The following KCNB2 variants were observed in gnomAD, a reference collection of about 807,000 sequenced individuals.
KCNB2 encodes the protein delayed rectifier potassium channel protein.
KCNB2 carries 15 observed loss-of-function variants against 61.5 expected under a neutral mutation model. The observed-to-expected ratio is 0.24, with a 90% CI of 0.16 to 0.38. KCNB2 has a LOEUF of 0.38. Ranked by LOEUF, KCNB2 falls within the 10% of genes least tolerant of loss-of-function variation. The pLI is 1.00. For synonymous variants in KCNB2, 457 were observed against 446.0 expected, an observed-to-expected ratio of 1.02 and a Z score of -0.31; for missense variants, 828 against 1,125.2, an observed-to-expected ratio of 0.74 and a Z score of 3.78.
At chr8:72,762,999 A>G (rs553443504) in intron 2 of KCNB2, among the ~76,000 whole-genome samples, 5 of 149,654 alleles carry the variant, frequency 3.3e-5, no homozygotes, top group African/African-American at 1.2e-4. Context: ...AGGCAGAAAA[A>G]TCCTTTCTTT....
chr8:72,826,495 T>TTG (rs1163126201), intron 2 of KCNB2, among the ~76,000 whole-genome samples: 3 of 152,132 alleles, frequency 2.0e-5, no homozygotes, highest in African/African-American at 4.8e-5. Flanking sequence ...ATGACAGGGG[T>TTG]TGTGGACAGC....
chr8:72,548,776 G>A (rs972004411), intron 1 of KCNB2, among the ~76,000 whole-genome samples: 1 of 152,102 alleles, frequency 6.6e-6, no homozygotes, highest in Admixed American at 6.6e-5. Flanking sequence ...ACTAGCTACA[G>A]TGAAAGTTCT....
chr8:72,884,674 A>G (rs944718478), intron 2 of KCNB2, among the ~76,000 whole-genome samples: 6 of 152,160 alleles, frequency 3.9e-5, no homozygotes, highest in Non-Finnish European at 5.9e-5. Context: ...TGAAGACTTT[A>G]TCTTTTCCAT....
chr8:72,640,437 G>A (rs72668161), intron 2 of KCNB2, among the ~76,000 whole-genome samples: 3,900 of 152,046 alleles, frequency 0.026, 94 homozygotes, highest in Non-Finnish European at 0.043. Context: ...GCATATTGTG[G>A]AAGTGAAGCA....
rs763584250 is a variant in KCNB2, at chr8:72,937,299, C to G, written c.1944C>G (p.Gly648=). 3.8e-5 allele frequency: 61 copies of G among 1,613,644 alleles called. No homozygotes were observed. The highest frequency in any genetic ancestry group is 4.6e-5 in the Non-Finnish European group (54 of 1,179,982). The change falls in exon 3 of 3, where the codon GGC becomes GGG. Residue 648 remains glycine, a synonymous_variant. Transcript: ENST00000523207. ...PGTEEHQRAR[G]PPFLTLSREK... ...CAGAAGAGCACCAAAGAGCTAGGGG[C>G]CCCCCGTTTCTAACTCTATCCAGAG...
intron 1 of KCNB2, among the ~76,000 whole-genome samples, chr8:72,558,269 C>T (rs978857997): frequency 1.3e-5 from 2 of 152,172 alleles, no homozygotes; most frequent in African/African-American, 4.8e-5. Context: ...TATCTGTCTA[C>T]CTCCATGAGA....
At chr8:72,565,002 A>G (rs752023673) in intron 1 of KCNB2, among the ~76,000 whole-genome samples, 1 of 152,186 alleles carries the variant, frequency 6.6e-6, no homozygotes, top group Non-Finnish European at 1.5e-5. Context: ...AATACTGTAC[A>G]TGAAATAGAT....
intron 2 of KCNB2, among the ~76,000 whole-genome samples, chr8:72,706,540 AG>A (rs1807227311): frequency 6.6e-6 from 1 of 152,214 alleles, no homozygotes; most frequent in Non-Finnish European, 1.5e-5. Flanking sequence ...TCATGGTGCC[AG>A]GTTTTTCCTC....
intron 1 of KCNB2, among the ~76,000 whole-genome samples, chr8:72,550,255 C>T (rs1203438909): frequency 6.6e-6 from 1 of 152,158 alleles, no homozygotes; most frequent in Non-Finnish European, 1.5e-5. Context: ...CAATTCTTTC[C>T]CCAGGAGGAC....
At chr8:72,802,405 A>C (rs1223557139) in intron 2 of KCNB2, among the ~76,000 whole-genome samples, 1 of 152,164 alleles carries the variant, frequency 6.6e-6, no homozygotes, top group Non-Finnish European at 1.5e-5. Flanking sequence ...GTTTCCTTAG[A>C]TATTGTCTTT....
intron 2 of KCNB2, among the ~76,000 whole-genome samples, chr8:72,836,208 A>G (rs556625880): frequency 3.9e-5 from 6 of 152,340 alleles, no homozygotes; most frequent in African/African-American, 1.4e-4. Context: ...TGTTACTCAA[A>G]GTGTTCCCAT....
chr8:72,837,718 C>T (rs1809804744), intron 2 of KCNB2, among the ~76,000 whole-genome samples: 1 of 152,020 alleles, frequency 6.6e-6, no homozygotes. Flanking sequence ...CTGTTAATCC[C>T]ATAATAATCA....
rs556301672 is a variant in KCNB2, at chr8:72,552,538, A to G, written c.-94+14653A>G. Among the ~76,000 whole-genome samples the G allele has an allele frequency of 3.3e-5, 5 of 152,328 alleles. No individual in the cohort carries two copies. The East Asian group carries it at 9.6e-4, about 29-fold the overall frequency. ...GTCTAGACTATTATTAGCATGAACTACCTTAAGAAACTAAGTTTCAAAAGC... is the reference window on the plus strand; with the variant it reads ...GTCTAGACTATTATTAGCATGAACTGCCTTAAGAAACTAAGTTTCAAAAGC... On this transcript the variant is annotated intron_variant, in intron 1 of 2. Transcript: ENST00000523207.
At chr8:72,722,842 T>C (rs1200308272) in intron 2 of KCNB2, among the ~76,000 whole-genome samples, 1 of 152,170 alleles carries the variant, frequency 6.6e-6, no homozygotes, top group Non-Finnish European at 1.5e-5. Context: ...TCAACAAAAG[T>C]ATTTAGTGCC....
chr8:72,557,332 A>G (rs1273922997), intron 1 of KCNB2, among the ~76,000 whole-genome samples: 2 of 152,264 alleles, frequency 1.3e-5, no homozygotes, highest in Non-Finnish European at 1.5e-5. Flanking sequence ...AGAAGAGACA[A>G]TTGTTAACAG....
intron 2 of KCNB2, among the ~76,000 whole-genome samples, chr8:72,778,753 A>G (rs1193968891): frequency 1.2e-3 from 177 of 145,708 alleles, no homozygotes; most frequent in African/African-American, 4.3e-3. Flanking sequence ...AAAAAAAAAA[A>G]AAAAAAAAAA....
At chr8:72,793,615 C>G (rs578019257) in intron 2 of KCNB2, among the ~76,000 whole-genome samples, 1 of 152,148 alleles carries the variant, frequency 6.6e-6, no homozygotes, top group Non-Finnish European at 1.5e-5. Context: ...TAGGCCCACC[C>G]CAGTCCATCA....
intron 2 of KCNB2, among the ~76,000 whole-genome samples, chr8:72,582,095 A>C (rs1294834273): frequency 2.0e-5 from 3 of 152,202 alleles, no homozygotes; most frequent in Non-Finnish European, 4.4e-5. Flanking sequence ...GAGTCTAATG[A>C]GACACAACAC....
intron 2 of KCNB2, among the ~76,000 whole-genome samples, chr8:72,867,777 G>A (rs1805552214): frequency 6.6e-6 from 1 of 152,170 alleles, no homozygotes; most frequent in East Asian, 1.9e-4. Context: ...AGTGACAGCA[G>A]CCCTATTTCA....
Sources: allele counts gnomAD v4.1 joint callset (sites outside exome capture counted in the v4.1 genomes callset), GRCh38; gene constraint gnomAD v4.1.1; transcripts MANE v1.5; gene names NCBI Gene and HGNC (gene_info 2026-07-23, HGNC 2026-07-21).